The following DLC1 variants were observed in gnomAD, a reference collection of about 807,000 sequenced individuals.
The protein encoded by DLC1 is rho GTPase-activating protein 7.
A neutral mutation model predicts 140.3 loss-of-function variants in DLC1; 54 were observed. The ratio of observed to expected loss-of-function variants is 0.38; its 90% CI spans 0.31 to 0.48. The LOEUF (loss-of-function observed/expected upper bound fraction) is 0.48. Among genes scored for constraint, DLC1 ranks in the 20% least tolerant of loss-of-function variants. The pLI is 0.96. For synonymous variants in DLC1, 986 were observed against 728.1 expected (o/e 1.35, Z -5.70); for missense variants, 2,536 against 1,907.0 (o/e 1.33, Z -6.14).
At chr8:13,144,590 C>T (rs964014410) in intron 5 of DLC1, among the ~76,000 whole-genome samples, 2 of 152,072 alleles carry the variant, frequency 1.3e-5, no homozygotes, top group African/African-American at 4.8e-5. Context: ...ACAGTGAAAT[C>T]CCGCTTCTAC....
At chr8:13,565,362 G>T (rs1010147157) in intron 1 of DLC1, among the ~76,000 whole-genome samples, 1 of 152,170 alleles carries the variant, frequency 6.6e-6, no homozygotes, top group African/African-American at 2.4e-5. Flanking sequence ...GCTAAAACAT[G>T]AATAGTGTGT....
chr8:13,165,176 A>G (rs1825020628), intron 5 of DLC1, among the ~76,000 whole-genome samples: 1 of 152,222 alleles, frequency 6.6e-6, no homozygotes, highest in Non-Finnish European at 1.5e-5. Context: ...TATTTGATAT[A>G]TAATGAAAGA....
intron 13 of DLC1, 114 bp from the exon 14 acceptor site, chr8:13,091,546 T>C (rs902656597): frequency 8.2e-6 from 7 of 858,718 alleles, no homozygotes; most frequent in Non-Finnish European, 1.0e-5. Flanking sequence ...CTGGAATCTG[T>C]TTATTGTTAA....
At chr8:13,217,987 G>C (rs1163602549) in intron 5 of DLC1, among the ~76,000 whole-genome samples, 1 of 152,020 alleles carries the variant, frequency 6.6e-6, no homozygotes, top group Admixed American at 6.6e-5. Context: ...TAAAATACCA[G>C]AAACATGACA....
chr8:13,211,722 C>T (rs1827952143), intron 5 of DLC1, among the ~76,000 whole-genome samples: 1 of 152,136 alleles, frequency 6.6e-6, no homozygotes. Flanking sequence ...GTGAAAATGT[C>T]AATTTCTTTT....
chr8:13,091,690 A>G (rs1818089005), intron 13 of DLC1, among the ~76,000 whole-genome samples: 1 of 152,160 alleles, frequency 6.6e-6, no homozygotes, highest in Non-Finnish European at 1.5e-5. Flanking sequence ...ATAGGTTCCT[A>G]CTGGGAACAG....
intron 5 of DLC1, among the ~76,000 whole-genome samples, chr8:13,301,005 G>A (rs538307733): frequency 9.9e-5 from 15 of 152,136 alleles, no homozygotes; most frequent in Non-Finnish European, 2.1e-4. Flanking sequence ...CTGACAGCAC[G>A]GTGTGTAGAA....
chr8:13,110,832 AAAAT>A lies in DLC1; in HGVS notation c.1421-13_1421-10del, dbSNP rs1313981788. ...GATGGGGAACAGGAAATCTATGAGA[AAAAT>A]AAACAGATGTATTTGTTGAGCGCCT... On this transcript the variant is annotated splice_polypyrimidine_tract_variant and intron_variant, in intron 6 of 17. Coordinates refer to ENST00000276297, the MANE Select transcript of DLC1 (RefSeq NM_182643.3). The A allele has an allele frequency of 6.2e-7, 1 of 1,613,592 alleles. No homozygotes were observed. Among genetic ancestry groups the A allele is most frequent in the Admixed American group, 1.7e-5 (1 of 59,948 alleles).
At chr8:13,204,196 G>A (rs767397829) in intron 5 of DLC1, among the ~76,000 whole-genome samples, 2 of 152,178 alleles carry the variant, frequency 1.3e-5, no homozygotes, top group Non-Finnish European at 2.9e-5. Context: ...AATCTCCAAG[G>A]ATTAGGATGA....
intron 5 of DLC1, among the ~76,000 whole-genome samples, chr8:13,134,046 C>T (rs1822364158): frequency 6.6e-6 from 1 of 152,200 alleles, no homozygotes; most frequent in South Asian, 2.1e-4. Context: ...TGGAACTGCC[C>T]TTAGCTGGGG....
chr8:13,248,775 C>T (rs984304313), intron 5 of DLC1, among the ~76,000 whole-genome samples: 3 of 152,156 alleles, frequency 2.0e-5, no homozygotes, highest in Non-Finnish European at 2.9e-5. Flanking sequence ...CTCTTGAACA[C>T]GCATTCTCCA....
At chr8:13,517,778 C>A (rs17820989), upstream of DLC1, among the ~76,000 whole-genome samples, 1 of 152,052 alleles carries the variant, frequency 6.6e-6, no homozygotes, top group Non-Finnish European at 1.5e-5. Flanking sequence ...GAGTCTGCTC[C>A]AAAACTAACA....
intron 1 of DLC1, among the ~76,000 whole-genome samples, chr8:13,500,778 A>C (rs1801777106): frequency 6.6e-6 from 1 of 151,796 alleles, no homozygotes; most frequent in African/African-American, 2.4e-5. Flanking sequence ...AGTTTAGCAC[A>C]TATTAACACA....
chr8:13,292,865 T>C (rs1041534205), intron 5 of DLC1, among the ~76,000 whole-genome samples: 5 of 152,190 alleles, frequency 3.3e-5, no homozygotes, highest in African/African-American at 1.2e-4. Context: ...ATATAGTCTA[T>C]TGAAAATATC....
chr8:13,359,543 C>T (rs1200460171), intron 4 of DLC1, among the ~76,000 whole-genome samples: 1 of 152,092 alleles, frequency 6.6e-6, no homozygotes, highest in Non-Finnish European at 1.5e-5. Context: ...TAGCAAAGTA[C>T]AGCTCAATCT....
At chr8:13,121,708 C>T (rs1298489451) in intron 5 of DLC1, among the ~76,000 whole-genome samples, 1 of 137,532 alleles carries the variant, frequency 7.3e-6, no homozygotes, top group African/African-American at 3.1e-5. Flanking sequence ...ACCACCATGC[C>T]TGGCTAAGTT....
At chr8:13,219,808 G>C (rs1419571409) in intron 5 of DLC1, among the ~76,000 whole-genome samples, 1 of 152,036 alleles carries the variant, frequency 6.6e-6, no homozygotes, top group Non-Finnish European at 1.5e-5. Flanking sequence ...AATTAAATGA[G>C]GTATGTCCAT....
At chr8:13,302,406 A>T (rs75173565) in intron 5 of DLC1, among the ~76,000 whole-genome samples, 78 of 151,780 alleles carry the variant, frequency 5.1e-4, no homozygotes, top group Admixed American at 1.6e-3. Context: ...AGGCTGTTTC[A>T]AACTTGCCTC....
At chr8:13,164,893 G>A (rs974880534) in intron 5 of DLC1, among the ~76,000 whole-genome samples, 2 of 152,168 alleles carry the variant, frequency 1.3e-5, no homozygotes, top group African/African-American at 4.8e-5. Flanking sequence ...ATCTGAATTA[G>A]CAGAGATTGT....
Sources: allele counts gnomAD v4.1 joint callset (sites outside exome capture counted in the v4.1 genomes callset), GRCh38; gene constraint gnomAD v4.1.1; transcripts MANE v1.5; gene names NCBI Gene and HGNC (gene_info 2026-07-23, HGNC 2026-07-21).